FAR2: variants seen among roughly 807,000 people sequenced by gnomAD.
The protein encoded by FAR2 is fatty acyl-CoA reductase 2, also known as epididymis secretory protein Li 81.
Under a neutral mutation model 56.0 loss-of-function variants are expected in FAR2, and 19 were observed. The ratio of observed to expected loss-of-function variants is 0.34; its 90% CI spans 0.24 to 0.50. The LOEUF (loss-of-function observed/expected upper bound fraction) is 0.50, where lower values mean the gene tolerates loss of function less well. Among genes scored for constraint, FAR2 ranks in the 20% least tolerant of loss-of-function variants. FAR2 has a pLI of 0.98. For missense variants in FAR2, 508 were observed against 642.2 expected (o/e 0.79, Z 2.26); for synonymous variants, 219 against 218.8 (o/e 1.00, Z -0.01).
chr12:29,207,665 T>A (rs1947491595), intron 1 of FAR2, among the ~76,000 whole-genome samples: 1 of 152,194 alleles, frequency 6.6e-6, no homozygotes, highest in African/African-American at 2.4e-5. Context: ...ATGGCTAATA[T>A]TGGGCTGAAA....
chr12:29,222,026 T>G (rs1342196654), intron 1 of FAR2, among the ~76,000 whole-genome samples: 3 of 152,122 alleles, frequency 2.0e-5, no homozygotes, highest in African/African-American at 7.2e-5. Context: ...TTTTTTGTAT[T>G]TTTAGTAGAG....
chr12:29,187,161 C>T (rs900927268), intron 1 of FAR2, among the ~76,000 whole-genome samples: 2 of 152,142 alleles, frequency 1.3e-5, no homozygotes, highest in African/African-American at 4.8e-5. Flanking sequence ...CATAAACATT[C>T]CTGTATTTCC....
At chr12:29,150,118 G>C (rs78496282) in intron 1 of FAR2, among the ~76,000 whole-genome samples, 140 of 152,300 alleles carry the variant, frequency 9.2e-4, no homozygotes, top group African/African-American at 3.3e-3. Context: ...GCAGGTGCCA[G>C]CAGACTCCCA....
chr12:29,330,158 G>GC (rs1450480400), intron 10 of FAR2, among the ~76,000 whole-genome samples: 1 of 149,466 alleles, frequency 6.7e-6, no homozygotes, highest in Non-Finnish European at 1.5e-5. Flanking sequence ...CCGGGTTCAA[G>GC]CGCGTCTCCT....
intron 1 of FAR2, among the ~76,000 whole-genome samples, chr12:29,258,711 C>A (rs1166827964): frequency 6.6e-6 from 1 of 152,168 alleles, no homozygotes; most frequent in Non-Finnish European, 1.5e-5. Context: ...ATAGAGTCAT[C>A]CATATACAGC....
chr12:29,169,268 G>T (rs1284373650), intron 1 of FAR2, among the ~76,000 whole-genome samples: 1 of 152,178 alleles, frequency 6.6e-6, no homozygotes, highest in East Asian at 1.9e-4. Context: ...CCCTGCAGTT[G>T]TAGTGTCCTC....
intron 8 of FAR2, among the ~76,000 whole-genome samples, chr12:29,314,146 T>C (rs1949403188): frequency 6.6e-6 from 1 of 152,224 alleles, no homozygotes; most frequent in Non-Finnish European, 1.5e-5. Context: ...TTAAACTTTC[T>C]ACATGTGCAT....
At chr12:29,175,214 C>T (rs1256714511) in intron 1 of FAR2, among the ~76,000 whole-genome samples, 1 of 152,198 alleles carries the variant, frequency 6.6e-6, no homozygotes, top group Non-Finnish European at 1.5e-5. Flanking sequence ...ATCTGGGTCA[C>T]CAAAGTGTGT....
At chr12:29,190,132 T>C (rs1240582852) in intron 1 of FAR2, among the ~76,000 whole-genome samples, 2 of 152,186 alleles carry the variant, frequency 1.3e-5, no homozygotes, top group Non-Finnish European at 2.9e-5. Flanking sequence ...AGTTCTGTTT[T>C]TATCTTGCTA....
At chr12:29,149,785 T>G (rs934641865) in intron 1 of FAR2, among the ~76,000 whole-genome samples, 4 of 152,180 alleles carry the variant, frequency 2.6e-5, no homozygotes, top group Admixed American at 6.5e-5. Context: ...CGGGGCCGAG[T>G]CCCACCCAGG....
At chr12:29,155,877 G>A (rs1949722213) in intron 1 of FAR2, among the ~76,000 whole-genome samples, 1 of 152,052 alleles carries the variant, frequency 6.6e-6, no homozygotes, top group Non-Finnish European at 1.5e-5. Context: ...AATCTTAATT[G>A]TTTTGTTTTT....
chr12:29,230,083 TA>T (rs1225390738), intron 1 of FAR2, among the ~76,000 whole-genome samples: 4 of 151,744 alleles, frequency 2.6e-5, no homozygotes, highest in Non-Finnish European at 5.9e-5. Context: ...GATGACCGAA[TA>T]AACAGATGTC....
At chr12:29,313,227 C>T (rs186913654) in intron 8 of FAR2, among the ~76,000 whole-genome samples, 70 of 152,168 alleles carry the variant, frequency 4.6e-4, no homozygotes, top group Admixed American at 8.5e-4. Context: ...ACAGCTGGGT[C>T]GGTGAACATG....
At chr12:29,201,042 C>T (rs942502887) in intron 1 of FAR2, among the ~76,000 whole-genome samples, 2 of 152,124 alleles carry the variant, frequency 1.3e-5, no homozygotes, top group African/African-American at 4.8e-5. Context: ...GCAGCTGGTG[C>T]CCCCTTGAGA....
chr12:29,330,838 C>T (rs890801207), intron 10 of FAR2, among the ~76,000 whole-genome samples: 4 of 151,848 alleles, frequency 2.6e-5, no homozygotes, highest in African/African-American at 7.3e-5. Context: ...ATCTAAGCCT[C>T]GATCAAAGAC....
Position 29,333,757 on chromosome 12 carries a change from T to A in FAR2, c.1511T>A (p.Leu504His), listed in dbSNP as rs755518681. Residue 504 changes from leucine to histidine, a missense_variant, in exon 12 of 12, where the codon CTC (leucine) becomes CAC (histidine). By Grantham distance (99) the Leu-to-His change is moderately conservative (BLOSUM62 -3). Coordinates refer to ENST00000536681, the MANE Select transcript of FAR2 (RefSeq NM_001271783.2). ...FFIVSFCYKF[L>H]SYFRASSTLK... is the part of the protein sequence containing the mutation. ...ATTGTAAGCTTCTGTTATAAATTCC[T>A]CTCCTACTTTAGAGCATCCAGCACG... The A allele has an allele frequency of 6.2e-7, 1 of 1,613,890 alleles. No individual in the cohort carries two copies. Among genetic ancestry groups the A allele is most frequent in the South Asian group, 1.1e-5 (1 of 91,072 alleles).
chr12:29,329,621 A>C (rs907977151), intron 10 of FAR2, among the ~76,000 whole-genome samples: 5 of 152,226 alleles, frequency 3.3e-5, no homozygotes, highest in African/African-American at 2.4e-5. Context: ...AGCAATATTA[A>C]TGATACTATG....
chr12:29,256,663 A>G (rs1025412165), intron 1 of FAR2, among the ~76,000 whole-genome samples: 24 of 152,080 alleles, frequency 1.6e-4, no homozygotes, highest in African/African-American at 5.8e-4. Flanking sequence ...GGGCGGGAAC[A>G]GAGGCTGTGC....
intron 1 of FAR2, among the ~76,000 whole-genome samples, chr12:29,180,326 C>T (rs1949980123): frequency 6.6e-6 from 1 of 152,152 alleles, no homozygotes; most frequent in Non-Finnish European, 1.5e-5. Flanking sequence ...CAATGATTAT[C>T]TTGAGAAGCC....
Sources: gnomAD v4.1 joint callset for allele counts (sites outside exome capture counted in the v4.1 genomes callset) on GRCh38, gnomAD v4.1.1 for gene constraint, MANE v1.5 for transcripts, NCBI Gene and HGNC (gene_info 2026-07-23, HGNC 2026-07-21) for gene names.